ABCC8: variants seen among roughly 807,000 people sequenced by gnomAD.
ABCC8 encodes the protein ATP binding cassette subfamily C member 8, also known as ATP-binding cassette sub-family C member 8.
ABCC8 carries 137 observed loss-of-function variants against 188.0 expected under a neutral mutation model. The observed-to-expected ratio is 0.73, with a 90% confidence interval of 0.63 to 0.84. The LOEUF (loss-of-function observed/expected upper bound fraction) is 0.84, where lower values mean the gene tolerates loss of function less well. ABCC8 is among the 40% of genes least tolerant of loss of function. The pLI is 0.00. For synonymous variants in ABCC8, 797 were observed against 846.5 expected (o/e 0.94, Z 1.01); for missense variants, 1,750 against 2,072.7 (o/e 0.84, Z 3.02).
At chr11:17,435,573 A>T in intron 10 of ABCC8, 1 of 1,351,474 alleles carries the variant, frequency 7.4e-7, no homozygotes, top group Non-Finnish European at 1.1e-6. Context: ...ATTTAAACAA[A>T]TAAGGAGAAC....
At chr11:17,453,908 G>C (rs1372043277) in intron 6 of ABCC8, among the ~76,000 whole-genome samples, 1 of 152,158 alleles carries the variant, frequency 6.6e-6, no homozygotes, top group African/African-American at 2.4e-5. Context: ...CAAGATCTCA[G>C]ATGGCAACCA....
At chr11:17,443,516 C>A in intron 8 of ABCC8, 1 of 699,148 alleles carries the variant, frequency 1.4e-6, no homozygotes. Context: ...GGCTCTCATG[C>A]AAGCAGAGGG....
intron 4 of ABCC8, among the ~76,000 whole-genome samples, chr11:17,462,259 A>C (rs566675977): frequency 3.5e-4 from 53 of 152,230 alleles, no homozygotes; most frequent in African/African-American, 1.2e-3. Context: ...ATGTTTCCTC[A>C]TCTATAAAGG....
intron 10 of ABCC8, among the ~76,000 whole-genome samples, chr11:17,439,018 G>A (rs2133581377): frequency 6.6e-6 from 1 of 152,340 alleles, no homozygotes; most frequent in African/African-American, 2.4e-5. Context: ...TGTTAGCTCT[G>A]ACTTCTTAGT....
intron 1 of ABCC8, 76 bp downstream of exon 1, chr11:17,476,553 C>A: frequency 6.5e-7 from 1 of 1,534,532 alleles, no homozygotes; most frequent in East Asian, 2.4e-5. Context: ...GGACGCCGAG[C>A]GGTGCGGCGC....
chr11:17,424,164 G>T (rs551702933), intron 16 of ABCC8, among the ~76,000 whole-genome samples: 5 of 152,104 alleles, frequency 3.3e-5, no homozygotes, highest in Admixed American at 2.0e-4. Context: ...AGCCTGTCGG[G>T]GGGTGGGAGG....
At chr11:17,432,591 C>T (rs1181068189) in intron 10 of ABCC8, among the ~76,000 whole-genome samples, 3 of 152,192 alleles carry the variant, frequency 2.0e-5, no homozygotes, top group African/African-American at 7.2e-5. Context: ...TTTCTGGGGG[C>T]ACAAAGCTGC....
chr11:17,394,308 G>C lies in ABCC8; in HGVS notation c.4503C>G (p.Ile1501Met). 1 of 1,614,032 alleles carries C rather than the reference G, an allele frequency of 6.2e-7. No homozygotes were observed. The highest frequency in any genetic ancestry group is 1.1e-5 in the South Asian group (1 of 91,088). ...AAGCCGTGGCCTCGTCCATGATGAAGATGCTGGTCTTCCTCACGAAGGCCC... is the reference window on the plus strand; with the variant it reads ...AAGCCGTGGCCTCGTCCATGATGAACATGCTGGTCTTCCTCACGAAGGCCC... The part of the protein sequence containing the change: ...LARAFVRKTS[I>M]FIMDEATASI... The change falls in exon 37 of 39, where the codon ATC (isoleucine) becomes ATG (methionine). Residue 1501 changes from isoleucine (I) to methionine (M), a missense_variant. Physicochemically the swap from Ile to Met is conservative, Grantham distance 10 (BLOSUM62 1). Transcript: ENST00000389817.
chr11:17,392,548 A>G (rs954942809), downstream of ABCC8: 20 of 277,132 alleles, frequency 7.2e-5, no homozygotes, highest in African/African-American at 4.2e-4. Context: ...ACAGAGAGAA[A>G]GCAGGGATGC....
chr11:17,416,017 G>A (rs911788689), intron 17 of ABCC8, among the ~76,000 whole-genome samples: 2 of 152,208 alleles, frequency 1.3e-5, no homozygotes, highest in Non-Finnish European at 2.9e-5. Context: ...ATGCCATGAG[G>A]TCTGATTTTT....
intron 10 of ABCC8, among the ~76,000 whole-genome samples, chr11:17,439,943 G>A (rs1401754439): frequency 2.0e-5 from 3 of 152,162 alleles, no homozygotes; most frequent in African/African-American, 7.2e-5. Flanking sequence ...GCACCCACTA[G>A]GTAGGGTTCA....
Position 17,475,041 on chromosome 11 carries a change from C to T in ABCC8, c.149-14G>A, listed in dbSNP as rs1409566367. ...GACTTCCCCATCCTGCAGGGAGAGA[C>T]AGTCAGAGGCAGGATGCCTGCCCAC... On this transcript the variant is annotated splice_polypyrimidine_tract_variant and intron_variant, in intron 1 of 38. Transcript: ENST00000389817. 2 of 1,614,016 alleles carry T rather than the reference C, an allele frequency of 1.2e-6. No individual in the cohort carries two copies. The highest frequency in any genetic ancestry group is 1.7e-5 in the Admixed American group (1 of 60,006).
Position 17,427,377 on chromosome 11 carries a change from C to T in ABCC8, c.2117-223G>A, listed in dbSNP as rs926989662. On this transcript the variant is annotated intron_variant, in intron 15 of 38. Transcript: ENST00000389817. The surrounding 1 kb of genome is among the most constrained non-coding windows in gnomAD (Gnocchi z 5.0). ...CTTCCCCCTCTCTGATTTCCTGCCC[C>T]GCCACCCTTCCTAAGCACTCGCTTC... Among the ~76,000 whole-genome samples the T allele has an allele frequency of 6.6e-6, 1 of 152,140 alleles. No individual in the cohort carries two copies. Among genetic ancestry groups the T allele is most frequent in the African/African-American group, 2.4e-5 (1 of 41,432 alleles).
At position 17,395,181 on chromosome 11, in the gene ABCC8, C is replaced by G; in HGVS notation, c.4402G>C (p.Gly1468Arg). The G allele has an allele frequency of 6.3e-7, 1 of 1,576,874 alleles. No individual in the cohort carries two copies. The highest frequency in any genetic ancestry group is 2.3e-5 in the East Asian group (1 of 43,314). Residue 1468 changes from glycine to arginine, a missense_variant, in exon 36 of 39, where the codon GGA becomes CGA. Physicochemically the swap from Gly to Arg is moderately radical, Grantham distance 125. Coordinates refer to ENST00000389817, the MANE Select transcript of ABCC8 (RefSeq NM_000352.6). ...QLKLVVKALP[G>R]GLDAIITEGG... ...AGCCAGGAGTAGTTACCGAGGCCTC[C>G]TGGCAGTGCCTTCACCACCAGCTTC...
intron 8 of ABCC8, among the ~76,000 whole-genome samples, chr11:17,444,691 A>G (rs1458510470): frequency 2.8e-4 from 43 of 152,134 alleles, no homozygotes; most frequent in Non-Finnish European, 2.9e-5. Flanking sequence ...TAAAAGGACT[A>G]TTTTGTCTCC....
chr11:17,417,327 C>G (rs1955129081), intron 16 of ABCC8, among the ~76,000 whole-genome samples: 1 of 151,904 alleles, frequency 6.6e-6, no homozygotes, highest in East Asian at 1.9e-4. Flanking sequence ...GATAGGGACC[C>G]AATCATTGGG....
chr11:17,463,184 C>T lies in ABCC8; in HGVS notation c.579+254G>A, dbSNP rs4148609. Among the ~76,000 whole-genome samples, 50,524 of 152,022 alleles carry T rather than the reference C, an allele frequency of 0.33. 8,524 individuals carry two copies. Among genetic ancestry groups the T allele is most frequent in the Middle Eastern group, 0.51 (149 of 294 alleles). ...CTTATCTTCCCTTTCTACGGAAAGT[C>T]ATCCGCCAACCTCAGCGAACACACC... On this transcript the variant is annotated intron_variant, in intron 4 of 38. Coordinates refer to ENST00000389817, the MANE Select transcript of ABCC8 (RefSeq NM_000352.6).
intron 21 of ABCC8, among the ~76,000 whole-genome samples, chr11:17,411,225 C>T (rs1954790401): frequency 6.6e-6 from 1 of 152,226 alleles, no homozygotes; most frequent in African/African-American, 2.4e-5. Context: ...CAGATCTGAT[C>T]ATTGTTTGTC....
At chr11:17,406,476 GA>G (rs1256378609) in intron 26 of ABCC8, 145 bp downstream of exon 26, 4 of 807,972 alleles carry the variant, frequency 5.0e-6, no homozygotes, top group Non-Finnish European at 7.8e-6. Context: ...CTTGCACAAG[GA>G]GGGCACTTTT....
Sources: allele counts gnomAD v4.1 joint callset (sites outside exome capture counted in the v4.1 genomes callset), GRCh38; gene constraint gnomAD v4.1.1; non-coding constraint Gnocchi (gnomAD v3.1); transcripts MANE v1.5; gene names NCBI Gene and HGNC (gene_info 2026-07-23, HGNC 2026-07-21).